The following PHF2 variants were observed in gnomAD, a reference collection of about 807,000 sequenced individuals.
PHF2 encodes the protein lysine-specific demethylase PHF2.
Under a neutral mutation model 120.5 loss-of-function variants are expected in PHF2, and 27 were observed. The ratio of observed to expected loss-of-function variants is 0.22; its 90% CI spans 0.17 to 0.31. The LOEUF (loss-of-function observed/expected upper bound fraction) is 0.31. PHF2 is among the 10% of genes least tolerant of loss of function. The pLI is 1.00. For synonymous variants in PHF2, 568 were observed against 592.5 expected, an observed-to-expected ratio of 0.96 and a Z score of 0.60; for missense variants, 1,024 against 1,434.8, an observed-to-expected ratio of 0.71 and a Z score of 4.63.
At chr9:93,663,135 C>A in intron 13 of PHF2, 109 bp downstream of exon 13, 1 of 1,456,610 alleles carries the variant, frequency 6.9e-7, no homozygotes, top group Non-Finnish European at 9.4e-7. Flanking sequence ...AGACATGTGT[C>A]TGCTTGTCCT....
intron 1 of PHF2, among the ~76,000 whole-genome samples, chr9:93,582,939 A>G (rs1862960161): frequency 6.6e-6 from 1 of 152,226 alleles, no homozygotes; most frequent in Admixed American, 6.5e-5. Flanking sequence ...TAACCATTTG[A>G]AAGTGTGAAG....
chr9:93,656,690 C>CACAGGAAGGCG lies in PHF2; in HGVS notation c.1147+95_1147+96insACAGGAAGGCG. ...GGGCTGACTGTCTGGGTGTGAGTGC[C>CACAGGAAGGCG]GCCTTCCTGTGGCCTGAGCAAGTCC... is the stretch of plus-strand genomic sequence containing the variant. On this transcript the variant is annotated intron_variant, in intron 9 of 21. Transcript: ENST00000359246. This position sits in a 1 kb window ranked among gnomAD's most constrained non-coding sequence, Gnocchi z 4.1. 1 of 822,340 alleles carries CACAGGAAGGCG rather than the reference C, an allele frequency of 1.2e-6. No individual in the cohort carries two copies. Among genetic ancestry groups the CACAGGAAGGCG allele is most frequent in the Non-Finnish European group, 2.0e-6 (1 of 492,164 alleles). The allele number at this position is 822,340 out of a possible 1,614,324, so 50.9% of individuals were successfully genotyped here.
chr9:93,661,663 A>G (rs1826568940), intron 12 of PHF2, among the ~76,000 whole-genome samples: 2 of 151,696 alleles, frequency 1.3e-5, no homozygotes, highest in African/African-American at 4.9e-5. Flanking sequence ...AGATGAATGG[A>G]ATAATGAATG....
intron 3 of PHF2, among the ~76,000 whole-genome samples, 184 bp from the exon 4 acceptor site, chr9:93,645,445 C>T (rs1056268806): frequency 1.3e-5 from 2 of 152,240 alleles, no homozygotes; most frequent in Admixed American, 6.5e-5. Flanking sequence ...GGAGTCAGCA[C>T]GGCATCTGCC....
intron 3 of PHF2, among the ~76,000 whole-genome samples, chr9:93,641,898 G>A (rs1216525632): frequency 6.6e-6 from 1 of 152,112 alleles, no homozygotes; most frequent in Non-Finnish European, 1.5e-5. Context: ...TTTCTTCTGT[G>A]AGTTTCATAG....
rs149727105 is a variant in PHF2, at chr9:93,662,394, A to C, written c.1699-513A>C. Reference sequence around the variant, plus strand: ...GGATGGGGAGATGGATAAATGGATGAGTGGATGGATGGATGGAAGGATAGA... The same window carrying C: ...GGATGGGGAGATGGATAAATGGATGCGTGGATGGATGGATGGAAGGATAGA... On this transcript the variant is annotated intron_variant, in intron 12 of 21. Coordinates refer to ENST00000359246, the MANE Select transcript of PHF2 (RefSeq NM_005392.4). 4.6e-3 allele frequency among the ~76,000 whole-genome samples: 695 copies of C among 150,534 alleles called. 3 individuals are homozygous for C. Among genetic ancestry groups the C allele is most frequent in the Non-Finnish European group, 7.6e-3 (512 of 67,580 alleles).
chr9:93,663,781 CACTGCAT>C, intron 14 of PHF2, 146 bp downstream of exon 14: 2 of 585,262 alleles, frequency 3.4e-6, no homozygotes, highest in Non-Finnish European at 6.2e-6. Context: ...ACACACCACA[CACTGCAT>C]CACACACAAC....
At chr9:93,608,333 TA>T (rs1825578778) in intron 1 of PHF2, among the ~76,000 whole-genome samples, 1 of 134,112 alleles carries the variant, frequency 7.5e-6, no homozygotes, top group African/African-American at 2.7e-5. Flanking sequence ...ATAATAATAA[TA>T]ATTATTATTT....
intron 1 of PHF2, among the ~76,000 whole-genome samples, chr9:93,623,399 T>C (rs1279675458): frequency 6.6e-6 from 1 of 152,194 alleles, no homozygotes; most frequent in Non-Finnish European, 1.5e-5. Flanking sequence ...GGCACTGTAG[T>C]GAGTGCACGT....
chr9:93,591,099 T>C (rs1825209921), intron 1 of PHF2, among the ~76,000 whole-genome samples: 1 of 151,836 alleles, frequency 6.6e-6, no homozygotes, highest in Non-Finnish European at 1.5e-5. Flanking sequence ...GGCCCTGTCA[T>C]GGGGGCCAGC....
At chr9:93,649,659 C>T (rs1045908845) in intron 5 of PHF2, among the ~76,000 whole-genome samples, 2 of 146,448 alleles carry the variant, frequency 1.4e-5, no homozygotes, top group Admixed American at 1.4e-4. Flanking sequence ...CACACCAACA[C>T]TCATGACACC....
intron 12 of PHF2, 122 bp downstream of exon 12, chr9:93,660,682 G>A: frequency 1.1e-6 from 1 of 920,998 alleles, no homozygotes; most frequent in South Asian, 2.0e-5. Flanking sequence ...CCCCTGAGAA[G>A]ATGTGGGGGT....
intron 1 of PHF2, among the ~76,000 whole-genome samples, chr9:93,593,177 T>A (rs1268182380): frequency 6.6e-6 from 1 of 150,584 alleles, no homozygotes. Flanking sequence ...CAGCACCCCC[T>A]TCCCTGGAGT....
intron 16 of PHF2, 67 bp from the exon 17 acceptor site, chr9:93,667,013 C>T: frequency 7.1e-7 from 1 of 1,414,910 alleles, no homozygotes; most frequent in African/African-American, 1.5e-5. Flanking sequence ...GTATCCTCCT[C>T]CCAACTCCCA....
At chr9:93,628,371 G>A (rs77774636) in intron 1 of PHF2, among the ~76,000 whole-genome samples, 3,777 of 152,190 alleles carry the variant, frequency 0.025, 174 homozygotes, top group African/African-American at 0.088. Flanking sequence ...TTTCTTTTTG[G>A]GGGAGGTTTT....
At chr9:93,598,209 G>C (rs1047093512) in intron 1 of PHF2, among the ~76,000 whole-genome samples, 4 of 152,212 alleles carry the variant, frequency 2.6e-5, no homozygotes, top group African/African-American at 9.6e-5. Context: ...GGAGAGACAG[G>C]AAAAGCCCAA....
chr9:93,659,588 C>A lies in PHF2; in HGVS notation c.1317C>A (p.Ile439=). ...TAATCAAAGACCTGGCCAAAGAGAT[C>A]CGGCTCAGTGAGGTGGGGCCGTGTC... ...SQLIKDLAKE[I]RLSENASKAV... is the part of the protein sequence containing the mutation. The change falls in exon 11 of 22, where the codon ATC becomes ATA. Residue 439 remains isoleucine (I), a synonymous_variant. Transcript: ENST00000359246. 6.2e-7 allele frequency: 1 copy of A among 1,614,020 alleles called. No homozygotes were observed. The highest frequency in any genetic ancestry group is 1.3e-5 in the African/African-American group (1 of 75,068).
intron 17 of PHF2, among the ~76,000 whole-genome samples, chr9:93,668,465 A>G (rs2398861): frequency 0.26 from 40,205 of 151,916 alleles, 6,235 homozygotes; most frequent in South Asian, 0.6. Flanking sequence ...TAAACACCCT[A>G]GGCCCCTCCC....
Position 93,656,718 on chromosome 9 carries a change from T to C in PHF2, c.1147+123T>C, listed in dbSNP as rs1826467103. On this transcript the variant is annotated intron_variant, in intron 9 of 21. Coordinates refer to ENST00000359246, the MANE Select transcript of PHF2 (RefSeq NM_005392.4). This position sits in a 1 kb window ranked among gnomAD's most constrained non-coding sequence, Gnocchi z 4.1. Reference sequence around the variant, plus strand: ...CTTCCTGTGGCCTGAGCAAGTCCTCTTGGGACTCAGACCCCTGGGGCTCAG... The same window carrying C: ...CTTCCTGTGGCCTGAGCAAGTCCTCCTGGGACTCAGACCCCTGGGGCTCAG... The C allele has an allele frequency of 1.5e-6, 1 of 681,982 alleles. No homozygotes were observed. The highest frequency in any genetic ancestry group is 2.6e-6 in the Non-Finnish European group (1 of 384,036). 42.2% of individuals were successfully genotyped at this position (681,982 alleles called of 1,614,324 possible).
Sources: gnomAD v4.1 joint callset for allele counts (sites outside exome capture counted in the v4.1 genomes callset) on GRCh38, gnomAD v4.1.1 for gene constraint, Gnocchi (gnomAD v3.1) non-coding constraint, MANE v1.5 for transcripts, NCBI Gene and HGNC (gene_info 2026-07-23, HGNC 2026-07-21) for gene names.